Variants in TAFA5 observed in about 807,000 individuals in gnomAD.
TAFA5 encodes chemokine-like protein TAFA-5.
In TAFA5, 6 loss-of-function variants were observed where a neutral mutation model predicts 15.3. That is an observed-to-expected ratio of 0.39 (90% CI 0.21 to 0.77). TAFA5 has a LOEUF of 0.77. TAFA5 is among the 30% of genes least tolerant of loss of function. The pLI is 0.41. For synonymous variants in TAFA5, 103 were observed against 80.7 expected, an observed-to-expected ratio of 1.28 and a Z score of -1.48; for missense variants, 161 against 193.1, an observed-to-expected ratio of 0.83 and a Z score of 0.98.
At chr22:48,610,653 G>A (rs1047758086) in intron 1 of TAFA5, among the ~76,000 whole-genome samples, 2 of 152,142 alleles carry the variant, frequency 1.3e-5, no homozygotes, top group African/African-American at 4.8e-5. Context: ...TTCGGGCCGT[G>A]TTGAGCTGTC....
At chr22:48,575,070 C>G (rs913807215) in intron 1 of TAFA5, among the ~76,000 whole-genome samples, 5 of 152,178 alleles carry the variant, frequency 3.3e-5, no homozygotes, top group African/African-American at 1.2e-4. Context: ...GCGGGACCAG[C>G]CTCCTCCGAG....
chr22:48,580,882 G>A (rs1924012821), intron 1 of TAFA5, among the ~76,000 whole-genome samples: 1 of 152,166 alleles, frequency 6.6e-6, no homozygotes, highest in African/African-American at 2.4e-5. Context: ...CTTCCTGGGT[G>A]CATTGTTTTT....
intron 1 of TAFA5, among the ~76,000 whole-genome samples, chr22:48,527,738 C>G (rs1484932509): frequency 6.6e-6 from 1 of 152,212 alleles, no homozygotes; most frequent in Non-Finnish European, 1.5e-5. Context: ...CTAGCTCAGA[C>G]CCTTCCTGGG....
intron 3 of TAFA5, among the ~76,000 whole-genome samples, chr22:48,709,193 C>T (rs1038475166): frequency 2.6e-5 from 4 of 152,086 alleles, no homozygotes; most frequent in African/African-American, 4.8e-5. Context: ...CAGGCAACGG[C>T]GCCACCCCGA....
chr22:48,589,103 G>A (rs1053260509), intron 1 of TAFA5, among the ~76,000 whole-genome samples: 1 of 152,210 alleles, frequency 6.6e-6, no homozygotes, highest in Admixed American at 6.5e-5. Context: ...TGTCCCCAGG[G>A]AATGCCTGCA....
At chr22:48,741,164 G>A (rs530871372) in intron 3 of TAFA5, among the ~76,000 whole-genome samples, 5 of 152,268 alleles carry the variant, frequency 3.3e-5, no homozygotes, top group East Asian at 1.9e-4. Flanking sequence ...TGAGGAGTCC[G>A]TGATTCCACC....
intron 3 of TAFA5, among the ~76,000 whole-genome samples, chr22:48,710,516 C>T (rs1361769527): frequency 6.6e-6 from 1 of 152,186 alleles, no homozygotes; most frequent in Non-Finnish European, 1.5e-5. Flanking sequence ...ACCCAACCAG[C>T]CTCCCGCATC....
At chr22:48,737,988 G>T (rs562003318) in intron 3 of TAFA5, among the ~76,000 whole-genome samples, 17 of 151,896 alleles carry the variant, frequency 1.1e-4, no homozygotes, top group African/African-American at 3.9e-4. Flanking sequence ...GGATGCTGTT[G>T]GGGGGGCTCT....
chr22:48,644,789 G>A (rs549039200), intron 1 of TAFA5, among the ~76,000 whole-genome samples: 74 of 152,308 alleles, frequency 4.9e-4, no homozygotes, highest in Middle Eastern at 3.4e-3. Flanking sequence ...GAGCACCCGG[G>A]CATTGCCTGC....
rs1417083275 is a variant in TAFA5 at position 48,617,993 on chromosome 22, A to C, written c.113-28604A>C. ...CGCGGTTTTTATGGCCATTTTTTAC[A>C]AAGGGAAATTCAGGCCACTGGTAAG... is the stretch of plus-strand genomic sequence containing the variant. On this transcript the variant is annotated intron_variant, in intron 1 of 3. Coordinates refer to ENST00000402357, the MANE Select transcript of TAFA5 (RefSeq NM_001082967.3). Among the ~76,000 whole-genome samples the C allele has an allele frequency of 3.3e-5, 5 of 152,246 alleles. No homozygotes were observed. The East Asian group carries it at 9.6e-4, about 29-fold the overall frequency.
rs1372330533 is a variant in TAFA5, at chr22:48,512,930, A to G, written c.112+23226A>G. Among the ~76,000 whole-genome samples, 604 of 147,468 alleles carry G rather than the reference A, an allele frequency of 4.1e-3. 1 individual carries two copies. Among genetic ancestry groups the G allele is most frequent in the African/African-American group, 0.015 (574 of 39,396 alleles). On this transcript the variant is annotated intron_variant, in intron 1 of 3. Coordinates refer to ENST00000402357, the MANE Select transcript of TAFA5 (RefSeq NM_001082967.3). ...AGAGCGAGACTCTGTCTCAAAAAAA[A>G]AAAAAAAAAAAAAAGAGAGAGAGAG...
chr22:48,531,217 G>A (rs1021584661), intron 1 of TAFA5, among the ~76,000 whole-genome samples: 1 of 152,150 alleles, frequency 6.6e-6, no homozygotes, highest in African/African-American at 2.4e-5. Flanking sequence ...CTTGCATGGA[G>A]CTCAGATGTG....
chr22:48,582,795 A>G (rs1265797538), intron 1 of TAFA5, among the ~76,000 whole-genome samples: 1 of 147,528 alleles, frequency 6.8e-6, no homozygotes, highest in African/African-American at 2.5e-5. Context: ...CACACAAAAT[A>G]CACCACACAT....
chr22:48,661,101 A>G (rs936790121), intron 2 of TAFA5, among the ~76,000 whole-genome samples: 5 of 152,188 alleles, frequency 3.3e-5, no homozygotes, highest in African/African-American at 1.2e-4. Context: ...TTGCTGAGCA[A>G]ATCATGAGAG....
In TAFA5 at chr22:48,560,426, G is replaced by T. The variant is rs1379357894; in HGVS notation, c.112+70722G>T. 1.3e-5 allele frequency among the ~76,000 whole-genome samples: 2 copies of T among 152,182 alleles called. No individual in the cohort carries two copies. The highest frequency in any genetic ancestry group is 2.9e-5 in the Non-Finnish European group (2 of 68,034). On this transcript the variant is annotated intron_variant, in intron 1 of 3. Transcript: ENST00000402357. This position sits in a 1 kb window ranked among gnomAD's most constrained non-coding sequence, Gnocchi z 4.2. ...GATGCCAGGAGCACCAAGGGTGCAG[G>T]TAGGCCATCAGGGCCTGGGGCCAGC...
chr22:48,605,706 G>C (rs1925168340), intron 1 of TAFA5, among the ~76,000 whole-genome samples: 1 of 152,174 alleles, frequency 6.6e-6, no homozygotes, highest in Admixed American at 6.5e-5. Flanking sequence ...ACTTCAACTT[G>C]AGCCTGATTG....
chr22:48,726,881 T>C (rs1929731816), intron 3 of TAFA5, among the ~76,000 whole-genome samples: 1 of 152,190 alleles, frequency 6.6e-6, no homozygotes, highest in Non-Finnish European at 1.5e-5. Context: ...CCACGTTCCA[T>C]AGGACGGGCT....
intron 3 of TAFA5, among the ~76,000 whole-genome samples, chr22:48,730,841 A>G (rs1002731151): frequency 7.9e-5 from 12 of 152,128 alleles, no homozygotes; most frequent in African/African-American, 2.9e-4. Context: ...TGAATCAACA[A>G]TATTGAAATT....
At chr22:48,539,032 T>C (rs1922267650) in intron 1 of TAFA5, 1 of 211,268 alleles carries the variant, frequency 4.7e-6, no homozygotes, top group Non-Finnish European at 9.7e-6. Flanking sequence ...ACCAATGGGA[T>C]GTGAGTTCAC....
Sources: allele counts gnomAD v4.1 joint callset (sites outside exome capture counted in the v4.1 genomes callset), GRCh38; gene constraint gnomAD v4.1.1; non-coding constraint Gnocchi (gnomAD v3.1); transcripts MANE v1.5; gene names NCBI Gene and HGNC (gene_info 2026-07-23, HGNC 2026-07-21).